Variants in KRT34 observed in about 807,000 individuals in gnomAD.
The protein encoded by KRT34 is keratin, type I cuticular Ha4.
KRT34 carries 31 observed loss-of-function variants against 41.7 expected under a neutral mutation model. The observed-to-expected ratio is 0.74, with a 90% CI of 0.56 to 1.00. The LOEUF (loss-of-function observed/expected upper bound fraction) is 1.00. Among genes scored for constraint, KRT34 ranks in the 50% least tolerant of loss-of-function variants. KRT34 has a pLI of 0.00. For synonymous variants in KRT34, 224 were observed against 212.9 expected (o/e 1.05, Z -0.45); for missense variants, 523 against 500.3 (o/e 1.05, Z -0.43).
intron 6 of KRT34, 71 bp from the exon 7 acceptor site, chr17:41,378,217 G>T: frequency 2.1e-6 from 2 of 957,010 alleles, no homozygotes; most frequent in Non-Finnish European, 1.7e-6. Flanking sequence ...TGGGCTTAAT[G>T]ACACAACCTA....
In KRT34 at chr17:41,381,183, A is replaced by G. The variant is rs1468816477; in HGVS notation, c.461T>C (p.Leu154Ser). 1.1e-5 allele frequency: 17 copies of G among 1,614,120 alleles called. No homozygotes were observed. Among genetic ancestry groups the G allele is most frequent in the Non-Finnish European group, 1.3e-5 (15 of 1,180,006 alleles). The change falls in exon 3 of 7, where the codon TTG becomes TCG. Residue 154 changes from leucine to serine, a missense_variant. Coordinates refer to ENST00000394001, the MANE Select transcript of KRT34 (RefSeq NM_001386014.1). ...TATGCTGTTGATGTCCGACTCCACCAACAGCCTCAGGGACTGCTCCGTCTG... is the reference window on the plus strand; with the variant it reads ...TATGCTGTTGATGTCCGACTCCACCGACAGCCTCAGGGACTGCTCCGTCTG... ...KYQTEQSLRL[L>S]VESDINSIRR...
chr17:41,379,721 G>T lies in KRT34; in HGVS notation c.599C>A (p.Thr200Asn). The T allele has an allele frequency of 1.2e-6, 2 of 1,601,040 alleles. No homozygotes were observed. Among genetic ancestry groups the T allele is most frequent in the South Asian group, 1.1e-5 (1 of 88,918 alleles). ...GCGGTCTCCAAGCTGGGAGCGCAGG[G>T]TGTTAACCTCCTGTTGGAGAAAAGG... Reference protein sequence around the residue: ...LKKNHEEEVNTLRSQLGDRLN... With the variant: ...LKKNHEEEVNNLRSQLGDRLN... The change falls in exon 4 of 7, where the codon ACC becomes AAC. Residue 200 changes from threonine to asparagine, a missense_variant. Transcript: ENST00000394001.
chr17:41,380,741 G>A (rs2017962174), intron 3 of KRT34, among the ~76,000 whole-genome samples: 1 of 152,154 alleles, frequency 6.6e-6, no homozygotes, highest in South Asian at 2.1e-4. Context: ...TAAGAAAAGG[G>A]CCATGTCTTA....
chr17:41,379,603 G>T lies in KRT34; in HGVS notation c.717C>A (p.Asn239Lys), dbSNP rs200350721. Residue 239 changes from asparagine to lysine, a missense_variant, in exon 4 of 7, where the codon AAC (asparagine) becomes AAA (lysine). Transcript: ENST00000394001. ...RSQYEALVEINRREVEQWFAT... is the reference protein window; with the variant it reads ...RSQYEALVEIKRREVEQWFAT... Reference sequence around the variant, plus strand: ...CGAACCATTGCTCCACTTCCCTGCGGTTAATTTCCACCAGAGCCTCATACT... The same window carrying T: ...CGAACCATTGCTCCACTTCCCTGCGTTTAATTTCCACCAGAGCCTCATACT... 60 of 1,614,114 alleles carry T rather than the reference G, an allele frequency of 3.7e-5. No individual in the cohort carries two copies. Among genetic ancestry groups the T allele is most frequent in the Non-Finnish European group, 5.0e-5 (59 of 1,179,988 alleles).
rs372070920 is a variant in KRT34 at position 41,381,726 on chromosome 17, C to G, written c.418G>C (p.Asp140His). 6.3e-5 allele frequency: 102 copies of G among 1,614,056 alleles called. No homozygotes were observed. Among genetic ancestry groups the G allele is most frequent in the Non-Finnish European group, 8.5e-5 (100 of 1,180,002 alleles). Residue 140 changes from aspartate to histidine, a missense_variant, in exon 2 of 7, where the codon GAC becomes CAC. By Grantham distance (81) the Asp-to-His change is moderately conservative (BLOSUM62 -1). Coordinates refer to ENST00000394001, the MANE Select transcript of KRT34 (RefSeq NM_001386014.1). ...NIDNAKLASDDFRSKYQTEQS... is the reference protein window; with the variant it reads ...NIDNAKLASDHFRSKYQTEQS... ...AGTTCAACATACTTGCTTCTGAAGT[C>G]GTCAGAGGCCAGCTTGGCATTGTCA...
chr17:41,382,175 G>T lies in KRT34; in HGVS notation c.72C>A (p.Pro24=), dbSNP rs148417834. 110 of 1,612,364 alleles carry T rather than the reference G, an allele frequency of 6.8e-5. No individual in the cohort carries two copies. Among genetic ancestry groups the T allele is most frequent in the Non-Finnish European group, 9.0e-5 (106 of 1,180,022 alleles). ...CAGGCAGGGTGTAGCCGTGGCAGCTGGGGGGCACGCAGGGCCGGGAGGAGC... is the reference window on the plus strand; with the variant it reads ...CAGGCAGGGTGTAGCCGTGGCAGCTTGGGGGCACGCAGGGCCGGGAGGAGC... ...TSCSSRPCVP[P]SCHGYTLPGA... The change falls in exon 1 of 7, where the codon CCC becomes CCA. Residue 24 remains proline (P), a synonymous_variant. Transcript: ENST00000394001.
In KRT34 at chr17:41,379,652, T is replaced by C; in HGVS notation, c.668A>G (p.Gln223Arg). 1 of 1,614,210 alleles carries C rather than the reference T, an allele frequency of 6.2e-7. No individual in the cohort carries two copies. Among genetic ancestry groups the C allele is most frequent in the Non-Finnish European group, 8.5e-7 (1 of 1,180,022 alleles). Residue 223 changes from glutamine (Q) to arginine (R), a missense_variant, in exon 4 of 7, where the codon CAG becomes CGG. Transcript: ENST00000394001. ...CTGACTCCTGGTCTCGTTCAGGACC[T>C]GGTTCAGGTCCACAGTGGGGGCAGT... The part of the protein sequence containing the change: ...VDTAPTVDLN[Q>R]VLNETRSQYE...
chr17:41,379,060 G>A lies in KRT34; in HGVS notation c.993C>T (p.Asp331=). Residue 331 remains aspartate, a synonymous_variant, in exon 6 of 7, where the codon GAC becomes GAT. Transcript: ENST00000394001. ...VESQLAEIRC[D]LERQNQEYQV... is the part of the protein sequence containing the mutation. The stretch of plus-strand genomic sequence containing the variant: ...GGTACTCCTGGTTCTGCCGCTCCAG[G>A]TCACAGCGGATCTCTGCCAGCTGAG... 2 of 1,614,194 alleles carry A rather than the reference G, an allele frequency of 1.2e-6. No individual in the cohort carries two copies. Among genetic ancestry groups the A allele is most frequent in the Non-Finnish European group, 1.7e-6 (2 of 1,180,026 alleles).
chr17:41,383,402 T>C (rs892302569), upstream of KRT34, among the ~76,000 whole-genome samples: 5 of 152,210 alleles, frequency 3.3e-5, no homozygotes, highest in African/African-American at 1.2e-4. Context: ...GGCAGAGTTG[T>C]GTAGTTGTGA....
intron 6 of KRT34, 107 bp downstream of exon 6, chr17:41,378,849 A>G: frequency 1.4e-6 from 2 of 1,452,048 alleles, no homozygotes; most frequent in South Asian, 2.5e-5. Flanking sequence ...CACATGCTAC[A>G]CAGTTAATGT....
At chr17:41,382,839 A>G (rs552150648), upstream of KRT34, among the ~76,000 whole-genome samples, 1 of 152,310 alleles carries the variant, frequency 6.6e-6, no homozygotes, top group South Asian at 2.1e-4. Context: ...GGTTTAGGGA[A>G]CTTGCCAACA....
rs146750351 is a variant in KRT34, at chr17:41,382,264, T to C, written c.-18A>G. ...TAAGACATGGTGCTGGAACAGGTAA[T>C]GGAAAAGCAGGTAAGCTGCTGGAGG... On this transcript the variant is annotated 5_prime_UTR_variant, in exon 1 of 7. Coordinates refer to ENST00000394001, the MANE Select transcript of KRT34 (RefSeq NM_001386014.1). The C allele has an allele frequency of 8.7e-6, 14 of 1,612,880 alleles. No individual in the cohort carries two copies. The highest frequency in any genetic ancestry group is 1.2e-5 in the Non-Finnish European group (14 of 1,180,036).
In KRT34 at chr17:41,377,881, G is replaced by C. The variant is rs1474198867; in HGVS notation, c.*178C>G. On this transcript the variant is annotated 3_prime_UTR_variant, in exon 7 of 7. Coordinates refer to ENST00000394001, the MANE Select transcript of KRT34 (RefSeq NM_001386014.1). Reference sequence around the variant, plus strand: ...GGAAGGAGTTGTCCAGACATTGGAAGTTGATGATGTGTGTCTTTGCTTGGG... The same window carrying C: ...GGAAGGAGTTGTCCAGACATTGGAACTTGATGATGTGTGTCTTTGCTTGGG... The C allele has an allele frequency of 3.5e-6, 2 of 573,678 alleles. No individual in the cohort carries two copies. Among genetic ancestry groups the C allele is most frequent in the East Asian group, 5.5e-5 (2 of 36,130 alleles). The allele number at this position is 573,678 out of a possible 1,614,324, so 35.5% of individuals were successfully genotyped here. A position where few individuals can be genotyped will look rare whatever the true frequency, so the allele number is the denominator to read the frequency against.
rs2017900230 is a variant in KRT34, at chr17:41,378,661, CT to C, written c.1097+294del. 2.0e-5 allele frequency among the ~76,000 whole-genome samples: 3 copies of C among 152,280 alleles called. No homozygotes were observed. The South Asian group carries it at 6.2e-4, about 32-fold the overall frequency. ...CATGTGCAGAGGTGGAAAAATTGTG[CT>C]TTTCAAAAATATTATCTCATACTCT... On this transcript the variant is annotated intron_variant, in intron 6 of 6. Coordinates refer to ENST00000394001, the MANE Select transcript of KRT34 (RefSeq NM_001386014.1).
chr17:41,381,639 T>A (rs1170562566), intron 2 of KRT34, 74 bp downstream of exon 2: 1 of 1,312,828 alleles, frequency 7.6e-7, no homozygotes, highest in Non-Finnish European at 1.1e-6. Flanking sequence ...AGAAATGGCT[T>A]TCTCCTCTCT....
In KRT34 at chr17:41,378,995, A is replaced by C. The variant is rs1323552492; in HGVS notation, c.1058T>G (p.Ile353Ser). The C allele has an allele frequency of 6.2e-7, 1 of 1,613,976 alleles. No individual in the cohort carries two copies. Among genetic ancestry groups the C allele is most frequent in the Non-Finnish European group, 8.5e-7 (1 of 1,180,016 alleles). The change falls in exon 6 of 7, where the codon ATC becomes AGC. Residue 353 changes from isoleucine (I) to serine (S), a missense_variant. Coordinates refer to ENST00000394001, the MANE Select transcript of KRT34 (RefSeq NM_001386014.1). ...CTCCAGGAGGCTCCGGTACGTGTTG[A>C]TCTCACACTCCAGCCGGGCACGCAC... ...LDVRARLECE[I>S]NTYRSLLESE... is the part of the protein sequence containing the mutation.
chr17:41,379,024 C>T lies in KRT34; in HGVS notation c.1029G>A (p.Leu343=), dbSNP rs753762289. ...CACACTCCAGCCGGGCACGCACGTC[C>T]AGCAGCACCTGGTACTCCTGGTTCT... The part of the protein sequence containing the change: ...ERQNQEYQVL[L]DVRARLECEI... Residue 343 remains leucine (L), a synonymous_variant, in exon 6 of 7, where the codon CTG becomes CTA. Transcript: ENST00000394001. 1.9e-6 allele frequency: 3 copies of T among 1,614,234 alleles called. No homozygotes were observed. In the South Asian group the frequency reaches 3.3e-5, roughly 18 times the overall value.
chr17:41,381,320 G>A, intron 2 of KRT34, 108 bp from the exon 3 acceptor site: 1 of 1,190,222 alleles, frequency 8.4e-7, no homozygotes, highest in Non-Finnish European at 1.2e-6. Flanking sequence ...ACAGTTTTCT[G>A]CCTCTTCTCT....
At chr17:41,382,610 T>A (rs564810442), upstream of KRT34, among the ~76,000 whole-genome samples, 40 of 152,268 alleles carry the variant, frequency 2.6e-4, no homozygotes, top group African/African-American at 8.7e-4. Context: ...GCCAGGGACA[T>A]GGGGTGGAGT....
Sources: allele counts gnomAD v4.1 joint callset (sites outside exome capture counted in the v4.1 genomes callset), GRCh38; gene constraint gnomAD v4.1.1; transcripts MANE v1.5; gene names NCBI Gene and HGNC (gene_info 2026-07-23, HGNC 2026-07-21).